Variants in ABCC12 observed in about 807,000 individuals in gnomAD.
ABCC12 encodes the protein ATP binding cassette subfamily C member 12.
In ABCC12, 142 loss-of-function variants were observed where a neutral mutation model predicts 151.1. That is an observed-to-expected ratio of 0.94 (90% CI 0.82 to 1.08). The LOEUF is 1.08. ABCC12 is among the 50% of genes least tolerant of loss of function. ABCC12 has a pLI of 0.00. For synonymous variants in ABCC12, 645 were observed against 646.4 expected (o/e 1.00, Z 0.03); for missense variants, 1,638 against 1,691.1 (o/e 0.97, Z 0.55).
intron 13 of ABCC12, 103 bp downstream of exon 13, chr16:48,121,613 T>A: frequency 1.4e-6 from 2 of 1,429,920 alleles, no homozygotes; most frequent in Non-Finnish European, 1.9e-6. Flanking sequence ...CAGAATTCAT[T>A]AAACTCAGAA....
chr16:48,154,748 A>G (rs990215890), intron 1 of ABCC12, among the ~76,000 whole-genome samples: 1 of 152,232 alleles, frequency 6.6e-6, no homozygotes, highest in Admixed American at 6.5e-5. Context: ...AAAATTAACA[A>G]CTTTATGTTT....
intron 13 of ABCC12, among the ~76,000 whole-genome samples, chr16:48,119,361 G>A (rs1963993643): frequency 6.6e-6 from 1 of 152,206 alleles, no homozygotes; most frequent in South Asian, 2.1e-4. Context: ...AGATACACCT[G>A]AGCCATCTCT....
rs151079870 is a variant in ABCC12, at chr16:48,138,361, C to T, written c.846G>A (p.Lys282=). The T allele has an allele frequency of 3.7e-6, 6 of 1,613,124 alleles. No individual in the cohort carries two copies. In the African/African-American group the frequency reaches 8.0e-5, roughly 22 times the overall value. Residue 282 remains lysine, a synonymous_variant, in exon 8 of 31, where the codon AAG becomes AAA. Coordinates refer to ENST00000311303, the MANE Select transcript of ABCC12 (RefSeq NM_001393797.1). ...CTGACCTTCGGAAAGCTGAATTGAGCTTGGCCATAAACATCTGAAATCAAG... is the reference window on the plus strand; with the variant it reads ...CTGACCTTCGGAAAGCTGAATTGAGTTTGGCCATAAACATCTGAAATCAAG... The part of the protein sequence containing the change: ...IFIPVQMFMA[K]LNSAFRRSAI...
At chr16:48,118,032 G>T (rs1963947183) in intron 13 of ABCC12, among the ~76,000 whole-genome samples, 1 of 152,164 alleles carries the variant, frequency 6.6e-6, no homozygotes, top group African/African-American at 2.4e-5. Flanking sequence ...GCCTAGCCCT[G>T]CAGCCCAGGC....
intron 29 of ABCC12, among the ~76,000 whole-genome samples, chr16:48,085,050 G>A (rs757555603): frequency 5.3e-5 from 8 of 151,942 alleles, no homozygotes; most frequent in Non-Finnish European, 1.0e-4. Flanking sequence ...GATCCACGCC[G>A]GCCCCTCTCC....
intron 11 of ABCC12, among the ~76,000 whole-genome samples, chr16:48,127,516 G>T (rs904781273): frequency 6.6e-6 from 1 of 152,156 alleles, no homozygotes; most frequent in Non-Finnish European, 1.5e-5. Context: ...AGTTTTTGCC[G>T]GTGGTTAAGA....
At chr16:48,106,554 T>C (rs1963499109) in intron 20 of ABCC12, among the ~76,000 whole-genome samples, 1 of 152,200 alleles carries the variant, frequency 6.6e-6, no homozygotes, top group African/African-American at 2.4e-5. Flanking sequence ...TGGGAGAATC[T>C]GTCTATTCCA....
At chr16:48,154,741 A>T (rs1965161447) in intron 1 of ABCC12, among the ~76,000 whole-genome samples, 1 of 152,218 alleles carries the variant, frequency 6.6e-6, no homozygotes, top group Non-Finnish European at 1.5e-5. Flanking sequence ...AGCCCAGAAA[A>T]TTAACAACTT....
At chr16:48,117,156 G>T in intron 14 of ABCC12, 105 bp downstream of exon 14, 2 of 1,066,578 alleles carry the variant, frequency 1.9e-6, no homozygotes, top group Non-Finnish European at 2.7e-6. Context: ...ACACGTCCTT[G>T]GGGCATCTGG....
rs368317227 is a variant in ABCC12 at position 48,085,565 on chromosome 16, G to T, written c.3828+28C>A. ...GCGCTGCGGGAAATATCCAAAATTT[G>T]ACCAATCCATTTTCCGTGTTTTCTT... is the stretch of plus-strand genomic sequence containing the variant. On this transcript the variant is annotated intron_variant, in intron 29 of 30. Coordinates refer to ENST00000311303, the MANE Select transcript of ABCC12 (RefSeq NM_001393797.1). The T allele has an allele frequency of 2.4e-5, 39 of 1,600,612 alleles. No homozygotes were observed. The Admixed American group carries it at 3.3e-4, about 14-fold the overall frequency.
intron 2 of ABCC12, among the ~76,000 whole-genome samples, chr16:48,151,019 C>T (rs1043783761): frequency 2.6e-5 from 4 of 152,066 alleles, no homozygotes; most frequent in Non-Finnish European, 4.4e-5. Context: ...CAACCCATAG[C>T]CCTGTGAGAA....
intron 15 of ABCC12, among the ~76,000 whole-genome samples, chr16:48,114,344 C>T (rs562646851): frequency 1.3e-5 from 2 of 152,312 alleles, no homozygotes; most frequent in African/African-American, 4.8e-5. Flanking sequence ...CTGGCCACTA[C>T]TGGAGGGTCC....
intron 22 of ABCC12, 24 bp downstream of exon 22, chr16:48,104,118 C>T (rs755188029): frequency 9.3e-6 from 15 of 1,606,964 alleles, no homozygotes; most frequent in Admixed American, 3.4e-5. Flanking sequence ...ATCGTTTTCT[C>T]GTGTAAATAG....
intron 15 of ABCC12, among the ~76,000 whole-genome samples, chr16:48,114,351 G>A (rs1022780196): frequency 5.3e-5 from 8 of 152,078 alleles, no homozygotes; most frequent in Admixed American, 2.0e-4. Context: ...CTACTGGAGG[G>A]TCCTAAAATG....
intron 12 of ABCC12, among the ~76,000 whole-genome samples, chr16:48,123,826 T>C (rs759887293): frequency 6.6e-6 from 1 of 152,184 alleles, no homozygotes; most frequent in Non-Finnish European, 1.5e-5. Context: ...AATACATCTA[T>C]AGTCACCATG....
chr16:48,153,911 A>T (rs1371863176), intron 1 of ABCC12, 27 bp from the exon 2 acceptor site: 3 of 152,188 alleles, frequency 2.0e-5, no homozygotes, highest in South Asian at 4.1e-4. Flanking sequence ...GACTTTTTTT[A>T]AAATCAGGAA....
Position 48,081,468 on chromosome 16 carries a change from T to G in ABCC12, c.*2247A>C, listed in dbSNP as rs1567441288. 6.6e-6 allele frequency among the ~76,000 whole-genome samples: 1 copy of G among 152,088 alleles called. No individual in the cohort carries two copies. On this transcript the variant is annotated 3_prime_UTR_variant, in exon 31 of 31. Coordinates refer to ENST00000311303, the MANE Select transcript of ABCC12 (RefSeq NM_001393797.1). ...GCCAAGGGGAAAGGACTGGAGGGGC[T>G]TTGTTGTGAAGGGGTTGGGAGCAGG...
At chr16:48,143,316 G>A (rs935311203) in intron 4 of ABCC12, among the ~76,000 whole-genome samples, 1 of 152,136 alleles carries the variant, frequency 6.6e-6, no homozygotes, top group Non-Finnish European at 1.5e-5. Flanking sequence ...TCTTCAATGA[G>A]TCCTCTCTCC....
rs1962364589 is a variant in ABCC12, at chr16:48,082,050, G to T, written c.*1665C>A. ...AGAACGCTGTGGATGTGGGTTTAAT[G>T]ACCTTCAGTCAGGGTCATGCACCAT... is the stretch of plus-strand genomic sequence containing the variant. On this transcript the variant is annotated 3_prime_UTR_variant, in exon 31 of 31. Coordinates refer to ENST00000311303, the MANE Select transcript of ABCC12 (RefSeq NM_001393797.1). 6.6e-6 allele frequency among the ~76,000 whole-genome samples: 1 copy of T among 152,132 alleles called. No individual in the cohort carries two copies. The highest frequency in any genetic ancestry group is 2.4e-5 in the African/African-American group (1 of 41,436).
Sources: gnomAD v4.1 joint callset for allele counts (sites outside exome capture counted in the v4.1 genomes callset) on GRCh38, gnomAD v4.1.1 for gene constraint, MANE v1.5 for transcripts, NCBI Gene and HGNC (gene_info 2026-07-23, HGNC 2026-07-21) for gene names.